TRPM7: variants seen among roughly 807,000 people sequenced by gnomAD.
The protein encoded by TRPM7 is transient receptor potential cation channel subfamily M member 7.
Under a neutral mutation model 229.7 loss-of-function variants are expected in TRPM7, and 134 were observed. That is an observed-to-expected ratio of 0.58 (90% confidence interval 0.51 to 0.67). The LOEUF (loss-of-function observed/expected upper bound fraction) is 0.67. Ranked by LOEUF, TRPM7 falls within the 30% of genes least tolerant of loss-of-function variation. The pLI is 0.00. For synonymous variants in TRPM7, 699 were observed against 715.2 expected, an observed-to-expected ratio of 0.98 and a Z score of 0.36; for missense variants, 1,901 against 2,210.0, an observed-to-expected ratio of 0.86 and a Z score of 2.80.
Position 50,643,390 on chromosome 15 carries a change from T to C in TRPM7, c.485A>G (p.Lys162Arg). The C allele has an allele frequency of 6.2e-7, 1 of 1,614,184 alleles. No homozygotes were observed. The highest frequency in any genetic ancestry group is 8.5e-7 in the Non-Finnish European group (1 of 1,180,028). The change falls in exon 5 of 39, where the codon AAA becomes AGA. Residue 162 changes from lysine to arginine, a missense_variant. Physicochemically the swap from Lys to Arg is conservative, Grantham distance 26. Coordinates refer to ENST00000646667, the MANE Select transcript of TRPM7 (RefSeq NM_017672.6). ...CCAGGCTCCAGTTGTAACTGCAGCT[T>C]TAATAAGACCTTTTCCAAGCAACTG... is the stretch of plus-strand genomic sequence containing the variant. ...IKQLLGKGLIKAAVTTGAWIL... is the reference protein window; with the variant it reads ...IKQLLGKGLIRAAVTTGAWIL...
chr15:50,643,214 G>C (rs567996158), intron 5 of TRPM7, 126 bp downstream of exon 5: 5 of 708,552 alleles, frequency 7.1e-6, no homozygotes, highest in African/African-American at 1.8e-5. Context: ...GCTTGAGCCC[G>C]GGAGGCAGAG....
At chr15:50,668,195 ACT>A (rs1443349602) in intron 1 of TRPM7, among the ~76,000 whole-genome samples, 5 of 152,060 alleles carry the variant, frequency 3.3e-5, no homozygotes, top group African/African-American at 1.2e-4. Context: ...AACTTTGGAG[ACT>A]CTAACATTAG....
chr15:50,591,474 C>A (rs1390783433), intron 26 of TRPM7, among the ~76,000 whole-genome samples: 2 of 148,776 alleles, frequency 1.3e-5, no homozygotes, highest in Non-Finnish European at 3.0e-5. Flanking sequence ...CAGTCTATTT[C>A]CCCTACTTCT....
chr15:50,650,339 T>A (rs1183248670), intron 3 of TRPM7, among the ~76,000 whole-genome samples: 1 of 151,152 alleles, frequency 6.6e-6, no homozygotes, highest in Non-Finnish European at 1.5e-5. Context: ...AGAGATCTCA[T>A]AACACACAAG....
intron 2 of TRPM7, among the ~76,000 whole-genome samples, chr15:50,661,337 C>G (rs1567105596): frequency 6.6e-6 from 1 of 152,094 alleles, no homozygotes; most frequent in East Asian, 1.9e-4. Flanking sequence ...TGCATATAGA[C>G]TGAATGTAGC....
chr15:50,582,271 T>C (rs1420818927), intron 29 of TRPM7, among the ~76,000 whole-genome samples: 1 of 152,196 alleles, frequency 6.6e-6, no homozygotes, highest in African/African-American at 2.4e-5. Context: ...CACCGAGTTT[T>C]TTTTTTATTT....
intron 1 of TRPM7, among the ~76,000 whole-genome samples, chr15:50,670,230 TATA>T (rs1277538327): frequency 6.6e-6 from 1 of 152,048 alleles, no homozygotes; most frequent in African/African-American, 2.4e-5. Flanking sequence ...AGGATTCTCT[TATA>T]AAAGAAGGGG....
chr15:50,658,571 C>CAA (rs774950805), intron 2 of TRPM7, among the ~76,000 whole-genome samples: 14 of 101,802 alleles, frequency 1.4e-4, no homozygotes, highest in Middle Eastern at 5.3e-3. Context: ...GAAACTGTCT[C>CAA]AAAAAAAAAA....
intron 7 of TRPM7, among the ~76,000 whole-genome samples, chr15:50,636,673 A>C (rs906728430): frequency 6.6e-6 from 1 of 152,228 alleles, no homozygotes; most frequent in Admixed American, 6.5e-5. Context: ...CATGGTTGGA[A>C]AGAAAAATCA....
At chr15:50,568,111 CAAA>C (rs57093955) in intron 38 of TRPM7, among the ~76,000 whole-genome samples, 21,185 of 81,510 alleles carry the variant, frequency 0.26, 1,299 homozygotes, top group East Asian at 0.46. Context: ...GACTCTGTCT[CAAA>C]AAAAAAAAAA....
chr15:50,603,255 C>T (rs1276092197), intron 21 of TRPM7, among the ~76,000 whole-genome samples: 2 of 151,442 alleles, frequency 1.3e-5, no homozygotes, highest in African/African-American at 2.4e-5. Flanking sequence ...TTTCAAGATG[C>T]GAAGATAATC....
At chr15:50,643,581 T>C (rs775962925) in intron 4 of TRPM7, 28 bp from the exon 5 acceptor site, 3 of 1,579,194 alleles carry the variant, frequency 1.9e-6, no homozygotes, top group Admixed American at 3.4e-5. Context: ...AAGGAGAAAA[T>C]AATTGAACAT....
intron 7 of TRPM7, among the ~76,000 whole-genome samples, 160 bp from the exon 8 acceptor site, chr15:50,634,716 T>G (rs1022033806): frequency 6.6e-6 from 1 of 152,246 alleles, no homozygotes; most frequent in Non-Finnish European, 1.5e-5. Context: ...GACTTGACTT[T>G]AAGCACTCCA....
In TRPM7 at chr15:50,686,534, TCTC is replaced by T. The variant is rs1278287550; in HGVS notation, c.-4_-2del. The stretch of plus-strand genomic sequence containing the variant: ...CGGGCCTGCGTGGGTCCAGTACCAT[TCTC>T]CTCACGGGGCGGACTCCGGAAGGGC... On this transcript the variant is annotated 5_prime_UTR_variant, in exon 1 of 39. Coordinates refer to ENST00000646667, the MANE Select transcript of TRPM7 (RefSeq NM_017672.6). 1 of 1,610,864 alleles carries T rather than the reference TCTC, an allele frequency of 6.2e-7. No individual in the cohort carries two copies. Among genetic ancestry groups the T allele is most frequent in the South Asian group, 1.1e-5 (1 of 91,012 alleles).
At chr15:50,595,006 C>T (rs976243259) in intron 23 of TRPM7, among the ~76,000 whole-genome samples, 2 of 151,898 alleles carry the variant, frequency 1.3e-5, no homozygotes, top group Non-Finnish European at 2.9e-5. Flanking sequence ...GAGTTCAAGA[C>T]GAGCCTGGGC....
At chr15:50,684,683 CAT>C (rs1297571828) in intron 1 of TRPM7, among the ~76,000 whole-genome samples, 2 of 151,946 alleles carry the variant, frequency 1.3e-5, no homozygotes, top group Non-Finnish European at 2.9e-5. Context: ...GAGAAAGAAA[CAT>C]GTTACATGAC....
chr15:50,611,903 T>C (rs1054903584), intron 16 of TRPM7, among the ~76,000 whole-genome samples: 1 of 152,202 alleles, frequency 6.6e-6, no homozygotes, highest in Non-Finnish European at 1.5e-5. Context: ...TCTAAGTAAA[T>C]TGTAAACTTT....
At chr15:50,589,937 A>G (rs1230326533) in intron 26 of TRPM7, among the ~76,000 whole-genome samples, 1 of 151,970 alleles carries the variant, frequency 6.6e-6, no homozygotes, top group African/African-American at 2.4e-5. Flanking sequence ...GGCTCACTTC[A>G]ACCTCTGCCT....
At chr15:50,652,525 CAAAAAAAAA>C (rs71127103) in intron 3 of TRPM7, among the ~76,000 whole-genome samples, 1 of 128,086 alleles carries the variant, frequency 7.8e-6, no homozygotes, top group African/African-American at 3.0e-5. Context: ...GACTCTGTCT[CAAAAAAAAA>C]AAAAAAAATC....
Sources: allele counts gnomAD v4.1 joint callset (sites outside exome capture counted in the v4.1 genomes callset), GRCh38; gene constraint gnomAD v4.1.1; transcripts MANE v1.5; gene names NCBI Gene and HGNC (gene_info 2026-07-23, HGNC 2026-07-21).